The following THEMIS variants were observed in gnomAD, a reference collection of about 807,000 sequenced individuals.
THEMIS encodes the protein thymocyte selection associated.
THEMIS carries 37 observed loss-of-function variants against 52.6 expected under a neutral mutation model. That is an observed-to-expected ratio of 0.70 (90% CI 0.54 to 0.93). The LOEUF (loss-of-function observed/expected upper bound fraction) is 0.93, where lower values mean the gene tolerates loss of function less well. Among genes scored for constraint, THEMIS ranks in the 40% least tolerant of loss-of-function variants. The probability of loss-of-function intolerance (pLI) is 0.00; values close to 1 mark genes in which losing one functional copy is unlikely to be tolerated. For synonymous variants in THEMIS, 292 were observed against 272.7 expected, an observed-to-expected ratio of 1.07 and a Z score of -0.70; for missense variants, 808 against 763.1, an observed-to-expected ratio of 1.06 and a Z score of -0.69.
At chr6:127,735,381 A>G (rs1259698471) in intron 4 of THEMIS, among the ~76,000 whole-genome samples, 2 of 152,052 alleles carry the variant, frequency 1.3e-5, no homozygotes, top group African/African-American at 4.8e-5. Context: ...TATCTTTTGT[A>G]GCAACTTCAG....
chr6:127,891,031 G>T (rs1375398642), intron 1 of THEMIS, among the ~76,000 whole-genome samples: 1 of 151,998 alleles, frequency 6.6e-6, no homozygotes, highest in East Asian at 1.9e-4. Flanking sequence ...TGCCTAACTT[G>T]AAATATCCAC....
At chr6:127,801,104 A>G (rs1159714869) in intron 4 of THEMIS, among the ~76,000 whole-genome samples, 1 of 152,258 alleles carries the variant, frequency 6.6e-6, no homozygotes, top group African/African-American at 2.4e-5. Context: ...TTAGAGAGTT[A>G]TGCAAAATAA....
chr6:127,900,468 C>T (rs75471566), intron 1 of THEMIS, among the ~76,000 whole-genome samples: 3,782 of 152,050 alleles, frequency 0.025, 181 homozygotes, highest in African/African-American at 0.086. Context: ...TTGATAGTTG[C>T]TTTTGTTTTA....
chr6:127,857,799 A>G (rs953573907), intron 1 of THEMIS, among the ~76,000 whole-genome samples: 1 of 152,074 alleles, frequency 6.6e-6, no homozygotes, highest in Admixed American at 6.6e-5. Context: ...TAGGCAACAA[A>G]TGGATAACAA....
intron 1 of THEMIS, among the ~76,000 whole-genome samples, chr6:127,895,556 T>C (rs1185609059): frequency 6.6e-6 from 1 of 151,534 alleles, no homozygotes; most frequent in Admixed American, 6.6e-5. Context: ...GATATAAGTA[T>C]GTGTGTGTGC....
chr6:127,732,697 T>C (rs79587795), intron 4 of THEMIS, among the ~76,000 whole-genome samples: 2,628 of 152,340 alleles, frequency 0.017, 83 homozygotes, highest in African/African-American at 0.06. Flanking sequence ...ATCCATAGCA[T>C]CATTCCATTG....
At chr6:127,884,427 G>A (rs1365797625) in intron 1 of THEMIS, among the ~76,000 whole-genome samples, 1 of 152,040 alleles carries the variant, frequency 6.6e-6, no homozygotes, top group Non-Finnish European at 1.5e-5. Flanking sequence ...AAACTCATTG[G>A]AATATAACTG....
chr6:127,785,831 T>C (rs1325695063), intron 4 of THEMIS, among the ~76,000 whole-genome samples: 1 of 152,056 alleles, frequency 6.6e-6, no homozygotes, highest in Non-Finnish European at 1.5e-5. Flanking sequence ...AAAAGACTAC[T>C]TATTTTTCAT....
In THEMIS at chr6:127,731,864, A is replaced by ATTTTTTTTTTTTTTTTTTTTTTTTTT. The variant is rs58263706; in HGVS notation, c.1759-12042_1759-12041insAAAAAAAAAAAAAAAAAAAAAAAAAA. ...AGGTGCATGCCACCATGCCCGGCTAATTTTTTTTTTTTTTTTTTTTTTTAG... is the reference window on the plus strand; with the variant it reads ...AGGTGCATGCCACCATGCCCGGCTAATTTTTTTTTTTTTTTTTTTTTTTTTTTTTTTTTTTTTTTTTTTTTTTTTAG... On this transcript the variant is annotated intron_variant, in intron 4 of 5. Transcript: ENST00000368248. 6.5e-3 allele frequency among the ~76,000 whole-genome samples: 270 copies of ATTTTTTTTTTTTTTTTTTTTTTTTTT among 41,682 alleles called. 46 individuals carry two copies. The highest frequency in any genetic ancestry group is 0.02 in the East Asian group (9 of 458). The allele number at this position is 41,682 out of a possible 152,430, so 27.3% of individuals were successfully genotyped here.
intron 4 of THEMIS, among the ~76,000 whole-genome samples, chr6:127,774,660 A>G (rs1217402169): frequency 6.6e-6 from 1 of 152,176 alleles, no homozygotes; most frequent in Non-Finnish European, 1.5e-5. Flanking sequence ...CTATTTTTGG[A>G]GAGTAGCTAC....
chr6:127,752,762 C>T (rs1467345321), intron 4 of THEMIS, among the ~76,000 whole-genome samples: 2 of 151,622 alleles, frequency 1.3e-5, no homozygotes, highest in East Asian at 3.9e-4. Flanking sequence ...GAAAAATGAA[C>T]ACCAATTCTT....
intron 4 of THEMIS, among the ~76,000 whole-genome samples, chr6:127,725,430 CTGTGTGTG>C (rs143520649): frequency 1.3e-5 from 2 of 149,358 alleles, no homozygotes; most frequent in African/African-American, 4.9e-5. Context: ...CTGTCTCCTA[CTGTGTGTG>C]TGTGTGTGTG....
chr6:127,790,829 G>A (rs1190890232), intron 4 of THEMIS, among the ~76,000 whole-genome samples: 1 of 152,232 alleles, frequency 6.6e-6, no homozygotes, highest in Admixed American at 6.5e-5. Context: ...GGCTGCAGCA[G>A]GGTGGGCAGT....
chr6:127,910,191 G>C (rs1056354538), intron 1 of THEMIS: 8 of 151,996 alleles, frequency 5.3e-5, no homozygotes, highest in Non-Finnish European at 1.0e-4. Context: ...TAAGTAAAAG[G>C]CTTGTTATAG....
At chr6:127,712,283 G>A (rs910581543) in intron 5 of THEMIS, among the ~76,000 whole-genome samples, 5 of 151,772 alleles carry the variant, frequency 3.3e-5, no homozygotes, top group East Asian at 1.9e-4. Context: ...GACCTTATAC[G>A]TCAGCTCACC....
intron 4 of THEMIS, among the ~76,000 whole-genome samples, chr6:127,733,704 C>A (rs901959338): frequency 6.6e-6 from 1 of 152,134 alleles, no homozygotes; most frequent in Admixed American, 6.5e-5. Flanking sequence ...AATATCAAAT[C>A]TGAATCTATC....
intron 2 of THEMIS, among the ~76,000 whole-genome samples, chr6:127,835,011 G>A (rs1318740632): frequency 6.6e-6 from 1 of 152,134 alleles, no homozygotes; most frequent in Non-Finnish European, 1.5e-5. Context: ...GAGAGAATGT[G>A]AGAAATTGTT....
In THEMIS at chr6:127,766,797, C is replaced by T. The variant is rs190876614; in HGVS notation, c.1758+46086G>A. 5.8e-3 allele frequency among the ~76,000 whole-genome samples: 879 copies of T among 152,124 alleles called. 12 individuals are homozygous for T. Among genetic ancestry groups the T allele is most frequent in the African/African-American group, 0.02 (813 of 41,506 alleles). On this transcript the variant is annotated intron_variant, in intron 4 of 5. Coordinates refer to ENST00000368248, the MANE Select transcript of THEMIS (RefSeq NM_001010923.3). ...TTAAAAATTGTACATCAATATAAGGCACTTACTATGAATGAAATTTGAAGG... is the reference window on the plus strand; with the variant it reads ...TTAAAAATTGTACATCAATATAAGGTACTTACTATGAATGAAATTTGAAGG...
chr6:127,823,887 T>A (rs1047179299), intron 3 of THEMIS, among the ~76,000 whole-genome samples: 16 of 152,100 alleles, frequency 1.1e-4, no homozygotes, highest in African/African-American at 3.9e-4. Flanking sequence ...ATATCTGCAA[T>A]CCTTAATCTA....
Sources: gnomAD v4.1 joint callset for allele counts (sites outside exome capture counted in the v4.1 genomes callset) on GRCh38, gnomAD v4.1.1 for gene constraint, MANE v1.5 for transcripts, NCBI Gene and HGNC (gene_info 2026-07-23, HGNC 2026-07-21) for gene names.